Variants in PTPRM observed in about 807,000 individuals in gnomAD.
PTPRM encodes the protein receptor-type tyrosine-protein phosphatase mu.
A neutral mutation model predicts 186.7 loss-of-function variants in PTPRM; 47 were observed. The observed-to-expected ratio is 0.25, with a 90% CI of 0.20 to 0.32. The LOEUF is 0.32. Ranked by LOEUF, PTPRM falls within the 10% of genes least tolerant of loss-of-function variation. PTPRM has a pLI of 1.00. For synonymous variants in PTPRM, 668 were observed against 674.9 expected (o/e 0.99, Z 0.16); for missense variants, 1,494 against 1,865.0 (o/e 0.80, Z 3.66).
At chr18:7,866,258 A>G (rs2047688055) in intron 2 of PTPRM, among the ~76,000 whole-genome samples, 1 of 151,882 alleles carries the variant, frequency 6.6e-6, no homozygotes, top group Admixed American at 6.6e-5. Context: ...TTGCTTCTCT[A>G]GTTCTTTTAA....
intron 2 of PTPRM, among the ~76,000 whole-genome samples, chr18:7,852,421 T>A (rs1046441544): frequency 2.0e-5 from 3 of 151,232 alleles, no homozygotes; most frequent in South Asian, 2.1e-4. Flanking sequence ...TACAAAAAAA[T>A]TTTTTTTAGA....
chr18:7,972,869 A>C (rs980673207), intron 7 of PTPRM, among the ~76,000 whole-genome samples: 24 of 152,102 alleles, frequency 1.6e-4, no homozygotes, highest in African/African-American at 5.8e-4. Context: ...CAACATCTCT[A>C]TGTAAGCTCA....
chr18:8,031,787 C>T (rs2085991918), intron 7 of PTPRM, among the ~76,000 whole-genome samples: 1 of 152,148 alleles, frequency 6.6e-6, no homozygotes, highest in Non-Finnish European at 1.5e-5. Flanking sequence ...CCAAGCAAAT[C>T]AGCAGTCTTT....
At chr18:7,788,482 CAT>C (rs1328862115) in intron 2 of PTPRM, among the ~76,000 whole-genome samples, 1 of 152,140 alleles carries the variant, frequency 6.6e-6, no homozygotes, top group Non-Finnish European at 1.5e-5. Flanking sequence ...AATATTAAAA[CAT>C]ATATGAGTGA....
At chr18:7,650,189 G>A (rs1008912911) in intron 1 of PTPRM, among the ~76,000 whole-genome samples, 22 of 152,036 alleles carry the variant, frequency 1.4e-4, no homozygotes, top group East Asian at 1.9e-4. Flanking sequence ...ACAGGACTTC[G>A]GCATTCGTAG....
intron 11 of PTPRM, among the ~76,000 whole-genome samples, chr18:8,098,339 A>G (rs554123856): frequency 2.2e-4 from 34 of 152,330 alleles, no homozygotes; most frequent in South Asian, 1.4e-3. Flanking sequence ...TAGTTTTTGA[A>G]TATCATGCAA....
chr18:8,229,858 G>C (rs545396236), intron 14 of PTPRM, among the ~76,000 whole-genome samples: 1 of 151,600 alleles, frequency 6.6e-6, no homozygotes, highest in Non-Finnish European at 1.5e-5. Context: ...CATGTACCAA[G>C]AGATCCTGAC....
chr18:8,016,318 G>A (rs556981455), intron 7 of PTPRM, among the ~76,000 whole-genome samples: 10 of 152,152 alleles, frequency 6.6e-5, no homozygotes, highest in South Asian at 2.1e-4. Context: ...TCAGGAGTTC[G>A]AGACCAGCCT....
At chr18:7,749,887 C>T (rs993713439) in intron 1 of PTPRM, among the ~76,000 whole-genome samples, 1 of 152,224 alleles carries the variant, frequency 6.6e-6, no homozygotes, top group Non-Finnish European at 1.5e-5. Context: ...TTCGCTTTGA[C>T]AAGCATTTAA....
In PTPRM at chr18:7,838,906, T is replaced by C. The variant is rs190194623; in HGVS notation, c.197-49200T>C. Among the ~76,000 whole-genome samples the C allele has an allele frequency of 1.9e-3, 287 of 152,168 alleles. 1 individual carries two copies. The highest frequency in any genetic ancestry group is 5.8e-3 in the Admixed American group (88 of 15,296). On this transcript the variant is annotated intron_variant, in intron 2 of 32. Coordinates refer to ENST00000580170, the MANE Select transcript of PTPRM (RefSeq NM_001105244.2). ...AGTTGTGGTCATTCCCACTCTTCCC[T>C]CCCCTTTCCAAAGGCAGAGGTGCCT...
chr18:7,938,591 A>G (rs2051974482), intron 5 of PTPRM, among the ~76,000 whole-genome samples: 1 of 152,232 alleles, frequency 6.6e-6, no homozygotes, highest in South Asian at 2.1e-4. Context: ...TTAAGACCAC[A>G]GAACTTCTAG....
intron 1 of PTPRM, among the ~76,000 whole-genome samples, chr18:7,674,576 A>G (rs1367898658): frequency 2.0e-5 from 3 of 152,216 alleles, no homozygotes; most frequent in Non-Finnish European, 4.4e-5. Context: ...AAGGGTGGGC[A>G]GGCAGTGCTG....
At chr18:7,619,630 A>C (rs2037889015) in intron 1 of PTPRM, among the ~76,000 whole-genome samples, 1 of 152,200 alleles carries the variant, frequency 6.6e-6, no homozygotes, top group African/African-American at 2.4e-5. Flanking sequence ...TGTCTGTTGA[A>C]GCTTCTGCTT....
intron 14 of PTPRM, among the ~76,000 whole-genome samples, chr18:8,209,342 G>A (rs1020654670): frequency 1.3e-5 from 2 of 152,116 alleles, no homozygotes; most frequent in East Asian, 1.9e-4. Flanking sequence ...GGTTTCAGAC[G>A]TATTTTCAAG....
intron 8 of PTPRM, among the ~76,000 whole-genome samples, chr18:8,074,985 T>G (rs2089718286): frequency 6.6e-6 from 1 of 152,168 alleles, no homozygotes. Flanking sequence ...TCATGAAGAT[T>G]TATTTATATG....
At chr18:7,739,008 T>C (rs2040833749) in intron 1 of PTPRM, among the ~76,000 whole-genome samples, 1 of 146,404 alleles carries the variant, frequency 6.8e-6, no homozygotes, top group Non-Finnish European at 1.5e-5. Flanking sequence ...TGGAGCTTCT[T>C]CTTGGTCTAG....
At chr18:8,177,617 CA>C (rs2093505107) in intron 14 of PTPRM, among the ~76,000 whole-genome samples, 1 of 152,236 alleles carries the variant, frequency 6.6e-6, no homozygotes, top group Non-Finnish European at 1.5e-5. Flanking sequence ...GGAGCAACCT[CA>C]ATTCTTGCCT....
intron 1 of PTPRM, among the ~76,000 whole-genome samples, chr18:7,586,921 T>A (rs963520855): frequency 7.0e-5 from 10 of 143,416 alleles, no homozygotes; most frequent in African/African-American, 2.6e-4. Context: ...TGAACAAACT[T>A]TTATTTAATT....
intron 11 of PTPRM, among the ~76,000 whole-genome samples, chr18:8,101,184 G>T (rs550412162): frequency 8.5e-5 from 13 of 152,300 alleles, no homozygotes; most frequent in African/African-American, 2.9e-4. Flanking sequence ...ATAGCATGGA[G>T]CTTGATGCTT....
Sources: gnomAD v4.1 joint callset for allele counts (sites outside exome capture counted in the v4.1 genomes callset) on GRCh38, gnomAD v4.1.1 for gene constraint, MANE v1.5 for transcripts, NCBI Gene and HGNC (gene_info 2026-07-23, HGNC 2026-07-21) for gene names.